Variants in PPP3CA observed in about 807,000 individuals in gnomAD.
PPP3CA encodes the protein protein phosphatase 3 catalytic subunit alpha.
PPP3CA carries 14 observed loss-of-function variants against 66.5 expected under a neutral mutation model. The ratio of observed to expected loss-of-function variants is 0.21; its 90% confidence interval spans 0.14 to 0.33. The LOEUF (loss-of-function observed/expected upper bound fraction) is 0.33, where lower values mean the gene tolerates loss of function less well. PPP3CA is among the 10% of genes least tolerant of loss of function. PPP3CA has a pLI of 1.00. For missense variants in PPP3CA, 317 were observed against 639.5 expected (o/e 0.50, Z 5.44); for synonymous variants, 232 against 226.2 (o/e 1.03, Z -0.23).
intron 2 of PPP3CA, among the ~76,000 whole-genome samples, chr4:101,138,631 G>A (rs1461105208): frequency 5.9e-5 from 9 of 152,250 alleles, no homozygotes; most frequent in African/African-American, 1.9e-4. Context: ...TACTCAAAAA[G>A]TTTCAGAATT....
At chr4:101,321,601 C>T (rs2110322410) in intron 1 of PPP3CA, among the ~76,000 whole-genome samples, 1 of 152,094 alleles carries the variant, frequency 6.6e-6, no homozygotes, top group African/African-American at 2.4e-5. Flanking sequence ...TATAAAAGGA[C>T]TAGGGAGCAG....
At chr4:101,256,383 A>C (rs1290659667) in intron 1 of PPP3CA, among the ~76,000 whole-genome samples, 1 of 151,982 alleles carries the variant, frequency 6.6e-6, no homozygotes, top group African/African-American at 2.4e-5. Context: ...CACTGGCTGG[A>C]TGATTTACAA....
intron 1 of PPP3CA, among the ~76,000 whole-genome samples, chr4:101,203,607 AAT>A (rs1160952662): frequency 6.6e-6 from 1 of 152,226 alleles, no homozygotes; most frequent in Non-Finnish European, 1.5e-5. Flanking sequence ...TGAATTTCAA[AAT>A]AGTTTTTAAA....
intron 8 of PPP3CA, among the ~76,000 whole-genome samples, chr4:101,066,155 C>T (rs1728671112): frequency 1.3e-5 from 2 of 152,120 alleles, no homozygotes; most frequent in South Asian, 2.1e-4. Context: ...TCTAAAGTCT[C>T]TGATCCTTCT....
At chr4:101,290,754 G>T in intron 1 of PPP3CA, among the ~76,000 whole-genome samples, 1 of 152,186 alleles carries the variant, frequency 6.6e-6, no homozygotes. Flanking sequence ...TAAGGGTACA[G>T]GTATGTGGTT....
At chr4:101,047,542 A>T (rs1024936243) in intron 10 of PPP3CA, among the ~76,000 whole-genome samples, 8 of 152,090 alleles carry the variant, frequency 5.3e-5, no homozygotes, top group African/African-American at 1.9e-4. Context: ...TAGAAATCTT[A>T]TATTATTCTT....
intron 3 of PPP3CA, among the ~76,000 whole-genome samples, chr4:101,105,659 A>T (rs1028895061): frequency 1.3e-5 from 2 of 152,206 alleles, no homozygotes; most frequent in Non-Finnish European, 2.9e-5. Flanking sequence ...GGTGGCACAA[A>T]GAAGGAAAAG....
intron 1 of PPP3CA, among the ~76,000 whole-genome samples, chr4:101,202,876 C>T (rs1725013672): frequency 6.6e-6 from 1 of 152,130 alleles, no homozygotes; most frequent in African/African-American, 2.4e-5. Context: ...AACCTCCTTA[C>T]TCACCTCCTC....
At chr4:101,192,326 A>G (rs1724633297) in intron 2 of PPP3CA, among the ~76,000 whole-genome samples, 1 of 152,052 alleles carries the variant, frequency 6.6e-6, no homozygotes, top group African/African-American at 2.4e-5. Flanking sequence ...CCCCACTCTT[A>G]AGAATTCCTC....
intron 1 of PPP3CA, among the ~76,000 whole-genome samples, chr4:101,280,761 A>G (rs1324132709): frequency 6.7e-6 from 1 of 148,992 alleles, no homozygotes; most frequent in Non-Finnish European, 1.5e-5. Context: ...CAGAGGCTGC[A>G]GTGAGCTGAG....
chr4:101,097,783 C>T (rs1188823383), intron 5 of PPP3CA, among the ~76,000 whole-genome samples: 2 of 152,086 alleles, frequency 1.3e-5, no homozygotes, highest in Non-Finnish European at 2.9e-5. Flanking sequence ...CATCTTTTTG[C>T]TGGTTTAAAC....
At chr4:101,283,883 T>C (rs886960628) in intron 1 of PPP3CA, among the ~76,000 whole-genome samples, 13 of 152,206 alleles carry the variant, frequency 8.5e-5, no homozygotes, top group African/African-American at 3.1e-4. Flanking sequence ...TTCTTCCTAT[T>C]CTTCTCAAGA....
intron 1 of PPP3CA, among the ~76,000 whole-genome samples, chr4:101,272,746 G>A (rs1411322261): frequency 6.6e-6 from 1 of 152,142 alleles, no homozygotes; most frequent in East Asian, 1.9e-4. Flanking sequence ...GTAAGGAAGT[G>A]TTTATTAAAC....
intron 1 of PPP3CA, among the ~76,000 whole-genome samples, chr4:101,305,434 T>TATTTCACACCTTGGGAAAAATGTGAA (rs1443338952): frequency 1.3e-5 from 2 of 152,234 alleles, no homozygotes; most frequent in African/African-American, 2.4e-5. Flanking sequence ...TACAGAATTG[T>TATTTCACACCTTGGGAAAAATGTGAA]ATTTCACACC....
intron 1 of PPP3CA, among the ~76,000 whole-genome samples, chr4:101,272,846 T>C (rs1015284870): frequency 2.0e-5 from 3 of 152,204 alleles, no homozygotes; most frequent in African/African-American, 7.2e-5. Context: ...AAATAACTTG[T>C]AACCCAAATA....
At chr4:101,096,854 T>TA (rs1249527627) in intron 5 of PPP3CA, among the ~76,000 whole-genome samples, 1 of 152,150 alleles carries the variant, frequency 6.6e-6, no homozygotes, top group Admixed American at 6.5e-5. Flanking sequence ...TTTACTAATT[T>TA]AATAACTTAT....
intron 1 of PPP3CA, among the ~76,000 whole-genome samples, chr4:101,198,472 G>C (rs887541113): frequency 6.6e-6 from 1 of 152,140 alleles, no homozygotes; most frequent in South Asian, 2.1e-4. Flanking sequence ...ATTTTCCAAG[G>C]TGTTTTAGGC....
intron 8 of PPP3CA, among the ~76,000 whole-genome samples, chr4:101,077,544 C>T (rs956295697): frequency 1.3e-5 from 2 of 152,150 alleles, no homozygotes; most frequent in African/African-American, 4.8e-5. Flanking sequence ...GAATAATTGA[C>T]TCCCACTCCC....
At chr4:101,123,169 C>G (rs1722082769) in intron 2 of PPP3CA, among the ~76,000 whole-genome samples, 1 of 152,126 alleles carries the variant, frequency 6.6e-6, no homozygotes, top group Admixed American at 6.6e-5. Context: ...TACTAGGGTA[C>G]AAGCTACAAA....
Sources: allele counts gnomAD v4.1 joint callset (sites outside exome capture counted in the v4.1 genomes callset), GRCh38; gene constraint gnomAD v4.1.1; transcripts MANE v1.5; gene names NCBI Gene and HGNC (gene_info 2026-07-23, HGNC 2026-07-21).